SNX8: variants seen among roughly 807,000 people sequenced by gnomAD.
SNX8 encodes the protein sorting nexin 8.
SNX8 carries 25 observed loss-of-function variants against 51.6 expected under a neutral mutation model. The observed-to-expected ratio is 0.48, with a 90% CI of 0.35 to 0.68. The LOEUF is 0.68. Ranked by LOEUF, SNX8 falls within the 30% of genes least tolerant of loss-of-function variation. The probability of loss-of-function intolerance (pLI) is 0.00; values close to 1 mark genes in which losing one functional copy is unlikely to be tolerated. For synonymous variants in SNX8, 324 were observed against 277.0 expected, an observed-to-expected ratio of 1.17 and a Z score of -1.68; for missense variants, 695 against 624.0, an observed-to-expected ratio of 1.11 and a Z score of -1.21.
chr7:2,258,344 C>CT (rs1353865968), intron 7 of SNX8, among the ~76,000 whole-genome samples: 36 of 152,270 alleles, frequency 2.4e-4, no homozygotes, highest in Non-Finnish European at 1.5e-5. Flanking sequence ...GGAACAAGGC[C>CT]TGCGTTCCCG....
rs191318345 is a variant in SNX8, at chr7:2,256,787, G to A, written c.1284+87C>T. On this transcript the variant is annotated intron_variant, in intron 10 of 10. Coordinates refer to ENST00000222990, the MANE Select transcript of SNX8 (RefSeq NM_013321.4). ...ACTAAAGAACCTCTCTAGGGCGGCC[G>A]GCCACCGCGCTGCCGGGCTTGAAGG... 6.4e-3 allele frequency: 9,061 copies of A among 1,414,976 alleles called. 53 individuals carry two copies. Among genetic ancestry groups the A allele is most frequent in the Non-Finnish European group, 7.3e-3 (7,582 of 1,043,160 alleles). 87.7% of individuals were successfully genotyped at this position (1,414,976 alleles called of 1,614,324 possible).
At chr7:2,353,432 A>G (rs2115259011) in intron 1 of SNX8, among the ~76,000 whole-genome samples, 1 of 151,812 alleles carries the variant, frequency 6.6e-6, no homozygotes, top group South Asian at 2.1e-4. Flanking sequence ...TATACATAAA[A>G]TTTACCTTTT....
chr7:2,343,797 T>A (rs1778974596), intron 1 of SNX8, among the ~76,000 whole-genome samples: 1 of 152,030 alleles, frequency 6.6e-6, no homozygotes, highest in Admixed American at 6.6e-5. Context: ...AGGGGGCCGA[T>A]CACTTGAGGT....
intron 1 of SNX8, among the ~76,000 whole-genome samples, chr7:2,319,515 C>G (rs912539397): frequency 6.7e-6 from 1 of 149,496 alleles, no homozygotes; most frequent in Non-Finnish European, 1.5e-5. Flanking sequence ...ACTAAAAATA[C>G]AAAAATTAGC....
At chr7:2,303,712 A>G (rs1796472124) in intron 1 of SNX8, among the ~76,000 whole-genome samples, 1 of 152,170 alleles carries the variant, frequency 6.6e-6, no homozygotes, top group South Asian at 2.1e-4. Context: ...AAATGGATTA[A>G]GGGCGGTGCA....
chr7:2,276,622 G>A (rs1268913953), intron 2 of SNX8, among the ~76,000 whole-genome samples: 2 of 143,258 alleles, frequency 1.4e-5, no homozygotes, highest in Admixed American at 7.3e-5. Flanking sequence ...AGACAACATA[G>A]CAAGTCTCCA....
upstream of SNX8, among the ~76,000 whole-genome samples, chr7:2,318,997 G>C (rs192687390): frequency 3.6e-4 from 54 of 152,030 alleles, no homozygotes; most frequent in African/African-American, 1.2e-3. Context: ...GATAGAGCGA[G>C]CCTCTTTGTC....
At chr7:2,273,950 G>A (rs937972784) in intron 3 of SNX8, among the ~76,000 whole-genome samples, 1 of 152,076 alleles carries the variant, frequency 6.6e-6, no homozygotes, top group Non-Finnish European at 1.5e-5. Flanking sequence ...AACAATACAG[G>A]TAGGTGGCTG....
upstream of SNX8, among the ~76,000 whole-genome samples, chr7:2,314,790 C>T (rs1215646007): frequency 6.6e-6 from 1 of 152,240 alleles, no homozygotes. Flanking sequence ...CGCTCATTCA[C>T]CGGTTACACT....
At chr7:2,321,225 TG>T (rs1366440649) in intron 1 of SNX8, among the ~76,000 whole-genome samples, 1 of 151,472 alleles carries the variant, frequency 6.6e-6, no homozygotes, top group Non-Finnish European at 1.5e-5. Flanking sequence ...CAGGAAACGG[TG>T]GGGGGAATAA....
At chr7:2,258,491 T>A (rs1444156283) in intron 7 of SNX8, among the ~76,000 whole-genome samples, 2 of 151,308 alleles carry the variant, frequency 1.3e-5, no homozygotes, top group East Asian at 3.9e-4. Flanking sequence ...TAAGGCTCCA[T>A]CAAGCACTGC....
chr7:2,257,504 T>G lies in SNX8; in HGVS notation c.995A>C (p.Glu332Ala). 1 of 1,603,586 alleles carries G rather than the reference T, an allele frequency of 6.2e-7. No individual in the cohort carries two copies. The highest frequency in any genetic ancestry group is 8.5e-7 in the Non-Finnish European group (1 of 1,177,746). The change falls in exon 9 of 11, where the codon GAG (glutamate) becomes GCG (alanine). Residue 332 changes from glutamate (E) to alanine (A), a missense_variant. Physicochemically the swap from Glu to Ala is moderately radical, Grantham distance 107. Transcript: ENST00000222990. ...GTGCAACACGCCCTTCTCATGCCGCTCGCACAGGTCCTGCGGGGCCGGGGG... is the reference window on the plus strand; with the variant it reads ...GTGCAACACGCCCTTCTCATGCCGCGCGCACAGGTCCTGCGGGGCCGGGGG... ...DLLQSYKDLCERHEKGVLHKH... is the reference protein window; with the variant it reads ...DLLQSYKDLCARHEKGVLHKH...
intron 1 of SNX8, among the ~76,000 whole-genome samples, chr7:2,303,637 G>A (rs1400885864): frequency 1.3e-5 from 2 of 152,210 alleles, no homozygotes; most frequent in Non-Finnish European, 2.9e-5. Context: ...TTGGGATCCT[G>A]TTGATCTGTG....
chr7:2,332,881 A>C (rs897623758), intron 1 of SNX8, among the ~76,000 whole-genome samples: 9 of 151,508 alleles, frequency 5.9e-5, no homozygotes, highest in African/African-American at 2.2e-4. Context: ...AGAAAGAGAA[A>C]GAAAGAAAGA....
intron 1 of SNX8, among the ~76,000 whole-genome samples, chr7:2,353,438 CT>C (rs1326018217): frequency 6.6e-6 from 1 of 151,428 alleles, no homozygotes; most frequent in East Asian, 2.0e-4. Flanking sequence ...TAAAATTTAC[CT>C]TTTTGGCATT....
At chr7:2,264,616 G>C (rs973926486) in intron 5 of SNX8, among the ~76,000 whole-genome samples, 158 bp from the exon 6 acceptor site, 40 of 152,176 alleles carry the variant, frequency 2.6e-4, no homozygotes, top group African/African-American at 9.4e-4. Flanking sequence ...GGATCACTCT[G>C]TGTGTCCAAA....
intron 1 of SNX8, among the ~76,000 whole-genome samples, chr7:2,322,131 T>G (rs1778532411): frequency 6.6e-6 from 1 of 152,218 alleles, no homozygotes; most frequent in East Asian, 1.9e-4. Flanking sequence ...TTTAGGAAAA[T>G]GGGAACTAGC....
chr7:2,333,497 G>C (rs1383330053), intron 1 of SNX8, among the ~76,000 whole-genome samples: 1 of 152,120 alleles, frequency 6.6e-6, no homozygotes, highest in Non-Finnish European at 1.5e-5. Context: ...AGCAGTTCAA[G>C]GCTGTGGTGA....
At chr7:2,302,018 A>G (rs771363361) in intron 1 of SNX8, among the ~76,000 whole-genome samples, 1 of 152,084 alleles carries the variant, frequency 6.6e-6, no homozygotes, top group Non-Finnish European at 1.5e-5. Flanking sequence ...CGAGGCAGGC[A>G]GATCACCAGG....
Sources: allele counts gnomAD v4.1 joint callset (sites outside exome capture counted in the v4.1 genomes callset), GRCh38; gene constraint gnomAD v4.1.1; transcripts MANE v1.5; gene names NCBI Gene and HGNC (gene_info 2026-07-23, HGNC 2026-07-21).